The following ARRDC4 variants were observed in gnomAD, a reference collection of about 807,000 sequenced individuals.
The protein encoded by ARRDC4 is arrestin domain containing 4, also known as arrestin domain-containing protein 4.
Under a neutral mutation model 44.6 loss-of-function variants are expected in ARRDC4, and 40 were observed. The observed-to-expected ratio is 0.90, with a 90% CI of 0.70 to 1.17. The LOEUF (loss-of-function observed/expected upper bound fraction) is 1.17. ARRDC4 is among the 50% of genes most tolerant of loss of function. ARRDC4 has a pLI of 0.00. For synonymous variants in ARRDC4, 211 were observed against 221.2 expected (o/e 0.95, Z 0.41); for missense variants, 550 against 559.1 (o/e 0.98, Z 0.16).
Position 97,965,977 on chromosome 15 carries a change from G to T in ARRDC4, c.457G>T (p.Asp153Tyr). 1.2e-6 allele frequency: 2 copies of T among 1,614,172 alleles called. No individual in the cohort carries two copies. Among genetic ancestry groups the T allele is most frequent in the Non-Finnish European group, 8.5e-7 (1 of 1,180,034 alleles). The change falls in exon 3 of 8, where the codon GAT becomes TAT. Residue 153 changes from aspartate (D) to tyrosine (Y), a missense_variant. Asp to Tyr is a radical substitution (Grantham distance 160). Transcript: ENST00000268042. This position sits in a 1 kb window ranked among gnomAD's most constrained non-coding sequence, Gnocchi z 5.1. Reference sequence around the variant, plus strand: ...AGTGTTGGAACGACCCAAGGTACCTGATCAGAGTGTAAAGCGGGAACTCCA... The same window carrying T: ...AGTGTTGGAACGACCCAAGGTACCTTATCAGAGTGTAAAGCGGGAACTCCA... Reference protein sequence around the residue: ...RAVLERPKVPDQSVKRELQVV... With the variant: ...RAVLERPKVPYQSVKRELQVV...
At position 97,967,723 on chromosome 15, in the gene ARRDC4, A is replaced by T. The variant is rs183084569; in HGVS notation, c.523-291A>T. On this transcript the variant is annotated intron_variant, in intron 3 of 7. Coordinates refer to ENST00000268042, the MANE Select transcript of ARRDC4 (RefSeq NM_183376.3). The surrounding 1 kb of genome is among the most constrained non-coding windows in gnomAD (Gnocchi z 5.0). ...CTAATACAGCTTTTGATTTTTTTTT[A>T]AAAAAATGGTATATTATTTCCTGGA... Among the ~76,000 whole-genome samples, 3,399 of 150,198 alleles carry T rather than the reference A, an allele frequency of 0.023. 47 individuals are homozygous for T. The highest frequency in any genetic ancestry group is 0.03 in the Middle Eastern group (8 of 266).
rs1899444287 is a variant in ARRDC4, at chr15:97,967,903, T to C, written c.523-111T>C. The C allele has an allele frequency of 3.2e-6, 2 of 617,540 alleles. No individual in the cohort carries two copies. Among genetic ancestry groups the C allele is most frequent in the Non-Finnish European group, 5.2e-6 (2 of 381,154 alleles). 38.3% of individuals were successfully genotyped at this position (617,540 alleles called of 1,614,324 possible). A position where few individuals can be genotyped will look rare whatever the true frequency, so the allele number is the denominator to read the frequency against. ...CATGAGGATAAGAAAGTTTGATTCA[T>C]TTTTTTGGTATTTCCTTACAACCAT... is the stretch of plus-strand genomic sequence containing the variant. On this transcript the variant is annotated intron_variant, in intron 3 of 7. Coordinates refer to ENST00000268042, the MANE Select transcript of ARRDC4 (RefSeq NM_183376.3). The surrounding 1 kb of genome is among the most constrained non-coding windows in gnomAD (Gnocchi z 5.0).
rs1567193604 is a variant in ARRDC4, at chr15:97,965,930, G to GCTTC, written c.411_412insTTCC (p.Ile138PhefsTer17). 1.2e-6 allele frequency: 2 copies of GCTTC among 1,613,986 alleles called. No individual in the cohort carries two copies. Among genetic ancestry groups the GCTTC allele is most frequent in the Admixed American group, 3.3e-5 (2 of 59,998 alleles). ...ACCTCGTTTACTGGGAAATATGGAA[G>GCTTC]CATTCAGTACTGTGTGCGGGCAGTG... On this transcript the variant is annotated frameshift_variant, in exon 3 of 8. Transcript: ENST00000268042. LOFTEE classifies it high-confidence loss of function. The surrounding 1 kb of genome is among the most constrained non-coding windows in gnomAD (Gnocchi z 5.1).
intron 1 of ARRDC4, among the ~76,000 whole-genome samples, chr15:97,962,289 C>G (rs1899336619): frequency 1.3e-5 from 2 of 152,188 alleles, no homozygotes; most frequent in South Asian, 2.1e-4. Context: ...ATATTTGGAA[C>G]CAAAACTGCC....
In ARRDC4 at chr15:97,969,208, A is replaced by C. The variant is rs150816834; in HGVS notation, c.711A>C (p.Thr237=). The C allele has an allele frequency of 6.2e-7, 1 of 1,613,826 alleles. No individual in the cohort carries two copies. Among genetic ancestry groups the C allele is most frequent in the Admixed American group, 1.7e-5 (1 of 59,922 alleles). ...VPKAAIFQTQ[T]YLASGKTKTI... ...AGGCTGCTATTTTCCAAACGCAGAC[A>C]TATTTGGCTAGTGGAAAAACAAAGA... Residue 237 remains threonine, a synonymous_variant, in exon 5 of 8, where the codon ACA becomes ACC. Transcript: ENST00000268042.
In ARRDC4 at chr15:97,968,403, A is replaced by T. The variant is rs940962100; in HGVS notation, c.625+287A>T. Among the ~76,000 whole-genome samples, 1 of 152,196 alleles carries T rather than the reference A, an allele frequency of 6.6e-6. No individual in the cohort carries two copies. Among genetic ancestry groups the T allele is most frequent in the Non-Finnish European group, 1.5e-5 (1 of 68,032 alleles). On this transcript the variant is annotated intron_variant, in intron 4 of 7. Coordinates refer to ENST00000268042, the MANE Select transcript of ARRDC4 (RefSeq NM_183376.3). This position sits in a 1 kb window ranked among gnomAD's most constrained non-coding sequence, Gnocchi z 5.4. ...TGCCAGCATCTGATTTTAATGTTGC[A>T]AAAGAATCTCCAGGGTTGTATTGCT...
rs1326832952 is a variant in ARRDC4, at chr15:97,968,542, G to C, written c.625+426G>C. The stretch of plus-strand genomic sequence containing the variant: ...AGTGTATTAACAAACTTAACAATCA[G>C]ATTGTTACTGGAATTGCCATTAGTG... On this transcript the variant is annotated intron_variant, in intron 4 of 7. Coordinates refer to ENST00000268042, the MANE Select transcript of ARRDC4 (RefSeq NM_183376.3). This position sits in a 1 kb window ranked among gnomAD's most constrained non-coding sequence, Gnocchi z 5.4. 6.6e-6 allele frequency among the ~76,000 whole-genome samples: 1 copy of C among 152,202 alleles called. No homozygotes were observed. The highest frequency in any genetic ancestry group is 1.9e-4 in the East Asian group (1 of 5,194).
chr15:97,971,546 T>C lies in ARRDC4; in HGVS notation c.*359T>C, dbSNP rs1338970206. 5 of 206,980 alleles carry C rather than the reference T, an allele frequency of 2.4e-5. No individual in the cohort carries two copies. Among genetic ancestry groups the C allele is most frequent in the Non-Finnish European group, 3.9e-5 (4 of 103,426 alleles). The allele number at this position is 206,980 out of a possible 1,614,324, so 12.8% of individuals were successfully genotyped here. Reference sequence around the variant, plus strand: ...TGTGGGAGTTTCCCATGGTGAAGAGTGGAACGAAGGCGATATGAACTGAAG... The same window carrying C: ...TGTGGGAGTTTCCCATGGTGAAGAGCGGAACGAAGGCGATATGAACTGAAG... On this transcript the variant is annotated 3_prime_UTR_variant, in exon 8 of 8. Transcript: ENST00000268042.
At chr15:97,969,461 C>T in intron 5 of ARRDC4, 82 bp downstream of exon 5, 4 of 1,483,400 alleles carry the variant, frequency 2.7e-6, no homozygotes. Context: ...GTAGAGTTGC[C>T]TATAAAAATG....
At chr15:97,963,914 C>G (rs867662654) in intron 1 of ARRDC4, among the ~76,000 whole-genome samples, 2 of 152,162 alleles carry the variant, frequency 1.3e-5, no homozygotes, top group Non-Finnish European at 2.9e-5. Flanking sequence ...GCTGTCAGGT[C>G]GAGATGCTTC....
intron 1 of ARRDC4, among the ~76,000 whole-genome samples, chr15:97,962,823 C>G (rs566079682): frequency 1.3e-5 from 2 of 152,250 alleles, no homozygotes; most frequent in South Asian, 4.1e-4. Context: ...TTTACACAGT[C>G]TAGATTCTGG....
rs1899407910 is a variant in ARRDC4, at chr15:97,965,750, C to G, written c.374+84C>G. On this transcript the variant is annotated intron_variant, in intron 2 of 7. Transcript: ENST00000268042. This position sits in a 1 kb window ranked among gnomAD's most constrained non-coding sequence, Gnocchi z 5.1. ...TATCACTGCTAGGTCTCTTCTGATT[C>G]TCAAGTATGCATGTTTACACTGAAT... The G allele has an allele frequency of 2.0e-6, 3 of 1,486,536 alleles. No homozygotes were observed. Among genetic ancestry groups the G allele is most frequent in the South Asian group, 2.3e-5 (2 of 88,012 alleles). 92.1% of individuals were successfully genotyped at this position (1,486,536 alleles called of 1,614,324 possible).
intron 1 of ARRDC4, 80 bp downstream of exon 1, chr15:97,961,248 A>G: frequency 8.0e-7 from 1 of 1,252,180 alleles, no homozygotes; most frequent in East Asian, 3.3e-5. Flanking sequence ...CACCCTCGGG[A>G]TGCCCACCTG....
Position 97,972,595 on chromosome 15 carries a change from G to C in ARRDC4, c.*1408G>C, listed in dbSNP as rs1381383389. 6.6e-6 allele frequency: 1 copy of C among 152,522 alleles called. No individual in the cohort carries two copies. Among genetic ancestry groups the C allele is most frequent in the East Asian group, 1.9e-4 (1 of 5,170 alleles). 9.4% of individuals were successfully genotyped at this position (152,522 alleles called of 1,614,324 possible). On this transcript the variant is annotated 3_prime_UTR_variant, in exon 8 of 8. Transcript: ENST00000268042. This position sits in a 1 kb window ranked among gnomAD's most constrained non-coding sequence, Gnocchi z 5.3. ...AGCTGAGAGCATCTCTGGACACATG[G>C]AAGGGAGCCAGGGATTCCTGTGATA...
chr15:97,969,806 A>G, intron 5 of ARRDC4, 77 bp from the exon 6 acceptor site: 2 of 1,334,976 alleles, frequency 1.5e-6, no homozygotes, highest in Non-Finnish European at 2.0e-6. Flanking sequence ...TGAAAAAAAG[A>G]AATTAATTGG....
Position 97,971,483 on chromosome 15 carries a change from T to C in ARRDC4, c.*296T>C. On this transcript the variant is annotated 3_prime_UTR_variant, in exon 8 of 8. Coordinates refer to ENST00000268042, the MANE Select transcript of ARRDC4 (RefSeq NM_183376.3). ...AGAGTAAGTGAAAGGGTGCCTGCGCTGACGTGAGAGAAAGGAATCTGTAAA... is the reference window on the plus strand; with the variant it reads ...AGAGTAAGTGAAAGGGTGCCTGCGCCGACGTGAGAGAAAGGAATCTGTAAA... The C allele has an allele frequency of 2.7e-6, 1 of 369,414 alleles. No individual in the cohort carries two copies. Among genetic ancestry groups the C allele is most frequent in the Non-Finnish European group, 5.1e-6 (1 of 197,132 alleles). The allele number at this position is 369,414 out of a possible 1,614,324, so 22.9% of individuals were successfully genotyped here. A position where few individuals can be genotyped will look rare whatever the true frequency, so the allele number is the denominator to read the frequency against.
chr15:97,964,483 C>T (rs1006108789), intron 1 of ARRDC4, among the ~76,000 whole-genome samples: 8 of 152,102 alleles, frequency 5.3e-5, no homozygotes, highest in Non-Finnish European at 5.9e-5. Flanking sequence ...CCTGACCAAC[C>T]GTGAAAGCCA....
rs1244712163 is a variant in ARRDC4, at chr15:97,965,839, T to C, written c.375-56T>C. 1 of 1,584,646 alleles carries C rather than the reference T, an allele frequency of 6.3e-7. No individual in the cohort carries two copies. The highest frequency in any genetic ancestry group is 8.6e-7 in the Non-Finnish European group (1 of 1,162,280). ...TAAAACATTTTAAACCATGCTTTTT[T>C]TGGCTTTGTTTAACTGAAAAGTAAA... On this transcript the variant is annotated intron_variant, in intron 2 of 7. Transcript: ENST00000268042. This position sits in a 1 kb window ranked among gnomAD's most constrained non-coding sequence, Gnocchi z 5.1.
chr15:97,964,228 ACT>A (rs1343619976), intron 1 of ARRDC4, among the ~76,000 whole-genome samples: 2 of 151,904 alleles, frequency 1.3e-5, no homozygotes, highest in Non-Finnish European at 1.5e-5. Context: ...ATAAAATAAA[ACT>A]CTATTTTTTT....
Sources: gnomAD v4.1 joint callset for allele counts (sites outside exome capture counted in the v4.1 genomes callset) on GRCh38, gnomAD v4.1.1 for gene constraint, Gnocchi (gnomAD v3.1) non-coding constraint, MANE v1.5 for transcripts, NCBI Gene and HGNC (gene_info 2026-07-23, HGNC 2026-07-21) for gene names.